AGL: variants seen among roughly 807,000 people sequenced by gnomAD.
AGL encodes amylo-alpha-1,6-glucosidase and 4-alpha-glucanotransferase.
AGL carries 128 observed loss-of-function variants against 199.3 expected under a neutral mutation model. The ratio of observed to expected loss-of-function variants is 0.64; its 90% CI spans 0.56 to 0.74. The LOEUF (loss-of-function observed/expected upper bound fraction) is 0.74, where lower values mean the gene tolerates loss of function less well. AGL is among the 30% of genes least tolerant of loss of function. The pLI, the probability that AGL is intolerant of heterozygous loss-of-function variation, is 0.00. For missense variants in AGL, 1,809 were observed against 1,820.8 expected, an observed-to-expected ratio of 0.99 and a Z score of 0.12; for synonymous variants, 584 against 594.7, an observed-to-expected ratio of 0.98 and a Z score of 0.26.
At chr1:99,852,351 C>CTTTTT (rs11363065) in intron 2 of AGL, among the ~76,000 whole-genome samples, 67 of 97,370 alleles carry the variant, frequency 6.9e-4, no homozygotes, top group East Asian at 9.1e-4. Context: ...GCATTCATTT[C>CTTTTT]TTTTTTTTTT....
intron 27 of AGL, among the ~76,000 whole-genome samples, chr1:99,906,167 A>G (rs1195064878): frequency 6.6e-6 from 1 of 152,040 alleles, no homozygotes; most frequent in Non-Finnish European, 1.5e-5. Context: ...TGGAACCACT[A>G]TCCTACTTTC....
At chr1:99,875,604 A>C in intron 10 of AGL, 149 bp downstream of exon 10, 1 of 728,828 alleles carries the variant, frequency 1.4e-6, no homozygotes. Context: ...CATAGGCTTA[A>C]TATTAACTAA....
intron 12 of AGL, among the ~76,000 whole-genome samples, chr1:99,878,726 G>A (rs1455971492): frequency 2.0e-5 from 3 of 151,926 alleles, no homozygotes; most frequent in Non-Finnish European, 2.9e-5. Flanking sequence ...TAATATTAAA[G>A]CAGTATTATA....
intron 12 of AGL, among the ~76,000 whole-genome samples, chr1:99,879,293 A>G (rs775236552): frequency 2.0e-5 from 3 of 152,202 alleles, no homozygotes; most frequent in Non-Finnish European, 2.9e-5. Flanking sequence ...AGTTTTAAAA[A>G]TAAGCAAGCA....
chr1:99,916,098 C>T (rs1321960448), intron 31 of AGL, among the ~76,000 whole-genome samples: 6 of 151,646 alleles, frequency 4.0e-5, no homozygotes, highest in Non-Finnish European at 5.9e-5. Context: ...TATTAGAGGC[C>T]TAGGAAATAG....
chr1:99,868,624 A>G (rs1478661304), intron 5 of AGL, among the ~76,000 whole-genome samples: 2 of 151,960 alleles, frequency 1.3e-5, no homozygotes, highest in Admixed American at 6.6e-5. Context: ...AAAAAGGGAA[A>G]AATTTAAATT....
intron 2 of AGL, 165 bp from the exon 3 acceptor site, chr1:99,861,338 C>T (rs902009408): frequency 2.0e-6 from 3 of 1,492,738 alleles, no homozygotes; most frequent in Non-Finnish European, 2.7e-6. Context: ...TGAAATTCAG[C>T]TAAATTGGAA....
At chr1:99,856,524 G>C (rs1490186636) in intron 2 of AGL, among the ~76,000 whole-genome samples, 3 of 151,884 alleles carry the variant, frequency 2.0e-5, no homozygotes, top group South Asian at 4.2e-4. Context: ...AGACAATAGT[G>C]GAGGGAAGGT....
intron 26 of AGL, 44 bp downstream of exon 26, chr1:99,900,905 T>G: frequency 7.2e-7 from 1 of 1,386,204 alleles, no homozygotes; most frequent in Middle Eastern, 1.8e-4. Context: ...TTTTTTTTTT[T>G]CTGAAAAATG....
chr1:99,913,899 G>C (rs985697955), intron 30 of AGL, among the ~76,000 whole-genome samples, 161 bp downstream of exon 30: 1 of 152,098 alleles, frequency 6.6e-6, no homozygotes, highest in African/African-American at 2.4e-5. Context: ...AGTATTATGC[G>C]TATCACTTTT....
intron 27 of AGL, among the ~76,000 whole-genome samples, chr1:99,904,963 A>AT (rs1654144960): frequency 6.6e-6 from 1 of 152,220 alleles, no homozygotes; most frequent in South Asian, 2.1e-4. Context: ...TGTGTGACAC[A>AT]TAAGTTTTCA....
rs1652582595 is a variant in AGL, at chr1:99,888,027, T to C, written c.2731T>C (p.Cys911Arg). 2 of 1,613,582 alleles carry C rather than the reference T, an allele frequency of 1.2e-6. No homozygotes were observed. The highest frequency in any genetic ancestry group is 8.5e-7 in the Non-Finnish European group (1 of 1,179,660). Residue 911 changes from cysteine (C) to arginine (R), a missense_variant, in exon 21 of 34, where the codon TGT becomes CGT. Coordinates refer to ENST00000361915, the MANE Select transcript of AGL (RefSeq NM_000642.3). ...LAELNQILYRCESEEKEDGGG... is the reference protein window; with the variant it reads ...LAELNQILYRRESEEKEDGGG... ...TGAGCTAAATCAGATCCTTTACCGA[T>C]GTGAATCAGAAGAAAAGGAAGATGG...
At chr1:99,913,771 AATG>A (rs1254061776) in intron 30 of AGL, 33 bp downstream of exon 30, 1 of 1,594,616 alleles carries the variant, frequency 6.3e-7, no homozygotes, top group South Asian at 1.1e-5. Context: ...CATTTCAAAA[AATG>A]ATGTGCTAGA....
intron 3 of AGL, 79 bp from the exon 4 acceptor site, chr1:99,862,178 A>T: frequency 7.6e-7 from 1 of 1,312,008 alleles, no homozygotes; most frequent in South Asian, 1.2e-5. Flanking sequence ...TTAACCTTTT[A>T]GTTAGAGTCA....
intron 17 of AGL, among the ~76,000 whole-genome samples, chr1:99,883,511 G>T (rs1237192488): frequency 6.6e-6 from 1 of 152,136 alleles, no homozygotes; most frequent in African/African-American, 2.4e-5. Context: ...ATGTGCTGTA[G>T]CTGATGCAGC....
At chr1:99,889,512 T>C (rs1001874578) in intron 21 of AGL, among the ~76,000 whole-genome samples, 4 of 152,158 alleles carry the variant, frequency 2.6e-5, no homozygotes, top group Non-Finnish European at 5.9e-5. Flanking sequence ...AAGAGAGGTT[T>C]GAGGCTGCAG....
intron 1 of AGL, 86 bp from the exon 2 acceptor site, chr1:99,850,889 C>T: frequency 4.1e-6 from 3 of 735,054 alleles, no homozygotes; most frequent in Non-Finnish European, 4.9e-6. Flanking sequence ...ATAAAACACA[C>T]TTCGAACATG....
chr1:99,862,454 TA>T lies in AGL; in HGVS notation c.460+38del, dbSNP rs759327133. On this transcript the variant is annotated intron_variant, in intron 4 of 33. Coordinates refer to ENST00000361915, the MANE Select transcript of AGL (RefSeq NM_000642.3). ...GTCAGCTTGCTTTCTTTTTCTTATTTAAAAAAATAAATGTAATTATCCTCTG... is the reference window on the plus strand; with the variant it reads ...GTCAGCTTGCTTTCTTTTTCTTATTTAAAAAATAAATGTAATTATCCTCTG... The T allele has an allele frequency of 1.9e-6, 3 of 1,607,574 alleles. No individual in the cohort carries two copies. In the African/African-American group the frequency reaches 4.0e-5, roughly 22 times the overall value.
intron 20 of AGL, among the ~76,000 whole-genome samples, chr1:99,885,202 A>G (rs1012216922): frequency 6.6e-6 from 1 of 152,162 alleles, no homozygotes; most frequent in Non-Finnish European, 1.5e-5. Context: ...ATGTTTCTGC[A>G]TACTACAGAA....
Sources: gnomAD v4.1 joint callset for allele counts (sites outside exome capture counted in the v4.1 genomes callset) on GRCh38, gnomAD v4.1.1 for gene constraint, MANE v1.5 for transcripts, NCBI Gene and HGNC (gene_info 2026-07-23, HGNC 2026-07-21) for gene names.